Variants in MERTK observed in about 807,000 individuals in gnomAD.
The protein encoded by MERTK is tyrosine-protein kinase Mer.
Under a neutral mutation model 99.3 loss-of-function variants are expected in MERTK, and 69 were observed. The ratio of observed to expected loss-of-function variants is 0.70; its 90% CI spans 0.57 to 0.85. MERTK has a LOEUF of 0.85. Ranked by LOEUF, MERTK falls within the 40% of genes least tolerant of loss-of-function variation. The pLI is 0.00. For missense variants in MERTK, 1,125 were observed against 1,249.4 expected (o/e 0.90, Z 1.50); for synonymous variants, 426 against 467.6 (o/e 0.91, Z 1.15).
Position 111,982,847 on chromosome 2 carries a change from T to C in MERTK, c.1150T>C (p.Ser384Pro), listed in dbSNP as rs756697997. 9.3e-6 allele frequency: 15 copies of C among 1,613,932 alleles called. No homozygotes were observed. The South Asian group carries it at 1.6e-4, about 18-fold the overall frequency. Reference sequence around the variant, plus strand: ...TCTCCTTTTTTCTTTTGTAGCCCCATCAGTAGCACCTTTAAATGTCACTGT... The same window carrying C: ...TCTCCTTTTTTCTTTTGTAGCCCCACCAGTAGCACCTTTAAATGTCACTGT... ...ILASTTEGAP[S>P]VAPLNVTVFL... Residue 384 changes from serine (S) to proline (P), a missense_variant, in exon 8 of 19, where the codon TCA becomes CCA. Physicochemically the swap from Ser to Pro is moderately conservative, Grantham distance 74. Transcript: ENST00000295408.
intron 1 of MERTK, among the ~76,000 whole-genome samples, chr2:111,920,827 G>A (rs1296787213): frequency 4.0e-5 from 6 of 151,798 alleles, no homozygotes; most frequent in Non-Finnish European, 7.4e-5. Context: ...GCTACTTTTT[G>A]TATTTTTTAG....
chr2:111,997,272 G>A, intron 9 of MERTK, 51 bp from the exon 10 acceptor site: 1 of 1,583,394 alleles, frequency 6.3e-7, no homozygotes, highest in Non-Finnish European at 8.7e-7. Flanking sequence ...TTACAAGCCA[G>A]TGTTTCTCAT....
chr2:111,996,924 T>C (rs1026876344), intron 9 of MERTK: 3 of 261,714 alleles, frequency 1.1e-5, no homozygotes, highest in Non-Finnish European at 2.3e-5. Flanking sequence ...AATGACACTT[T>C]AATTTTTCAT....
intron 5 of MERTK, among the ~76,000 whole-genome samples, chr2:111,967,658 G>A (rs766373376): frequency 2.0e-4 from 31 of 152,122 alleles, no homozygotes; most frequent in East Asian, 3.9e-4. Flanking sequence ...ACACTCATGC[G>A]TGCACACACT....
intron 1 of MERTK, among the ~76,000 whole-genome samples, chr2:111,904,943 G>T (rs1225093401): frequency 6.6e-6 from 1 of 152,194 alleles, no homozygotes; most frequent in African/African-American, 2.4e-5. Flanking sequence ...TCTGGGCATT[G>T]GCTAACCCGT....
In MERTK at chr2:112,019,426, A is replaced by G. The variant is rs373570386; in HGVS notation, c.2093A>G (p.Gln698Arg). 1.6e-5 allele frequency: 26 copies of G among 1,611,752 alleles called. No homozygotes were observed. The highest frequency in any genetic ancestry group is 2.1e-5 in the Non-Finnish European group (25 of 1,178,006). ...TCTATCATCTAGCATATTCCTCTGC[A>G]GACACTATTGAAGTTCATGGTGGAT... ...LETGPKHIPL[Q>R]TLLKFMVDIA... Residue 698 changes from glutamine (Q) to arginine (R), a missense_variant, in exon 16 of 19, where the codon CAG becomes CGG. Coordinates refer to ENST00000295408, the MANE Select transcript of MERTK (RefSeq NM_006343.3).
chr2:111,947,849 C>T (rs923607584), intron 4 of MERTK, among the ~76,000 whole-genome samples: 8 of 152,090 alleles, frequency 5.3e-5, no homozygotes, highest in African/African-American at 9.7e-5. Flanking sequence ...GAGCCCTGCT[C>T]GCATCTCCCA....
intron 2 of MERTK, chr2:111,940,270 T>C (rs180815265): frequency 6.4e-5 from 27 of 420,122 alleles, no homozygotes; most frequent in African/African-American, 5.1e-4. Context: ...CTAAATAGAC[T>C]AAATAGGTGA....
intron 4 of MERTK, among the ~76,000 whole-genome samples, chr2:111,964,517 C>T (rs1417484239): frequency 6.6e-6 from 1 of 152,104 alleles, no homozygotes; most frequent in Non-Finnish European, 1.5e-5. Context: ...TCCAAGGAGC[C>T]CTGGTTCCAT....
chr2:111,974,122 C>G (rs1676186118), intron 6 of MERTK, among the ~76,000 whole-genome samples: 1 of 150,370 alleles, frequency 6.7e-6, no homozygotes, highest in African/African-American at 2.5e-5. Flanking sequence ...AGTGCATTGG[C>G]TCACGCCTGT....
In MERTK at chr2:112,003,763, T is replaced by C. The variant is rs933224668; in HGVS notation, c.1787-141T>C. 6.7e-6 allele frequency: 5 copies of C among 742,080 alleles called. No homozygotes were observed. In the African/African-American group the frequency reaches 8.7e-5, roughly 13 times the overall value. 46.0% of individuals were successfully genotyped at this position (742,080 alleles called of 1,614,324 possible). The stretch of plus-strand genomic sequence containing the variant: ...GCATCACCCTGGTTTGCGATGTGGG[T>C]GGCCTGGGCAGGCTCTGCCTGGCTG... On this transcript the variant is annotated intron_variant, in intron 12 of 18. Coordinates refer to ENST00000295408, the MANE Select transcript of MERTK (RefSeq NM_006343.3).
In MERTK at chr2:111,929,384, A is replaced by G. The variant is rs746128532; in HGVS notation, c.326A>G (p.Lys109Arg). 17 of 1,613,954 alleles carry G rather than the reference A, an allele frequency of 1.1e-5. No homozygotes were observed. Among genetic ancestry groups the G allele is most frequent in the East Asian group, 6.7e-5 (3 of 44,884 alleles). The change falls in exon 2 of 19, where the codon AAA becomes AGA. Residue 109 changes from lysine to arginine, a missense_variant. Coordinates refer to ENST00000295408, the MANE Select transcript of MERTK (RefSeq NM_006343.3). ...GGACACATAATACTTTCTGAACATA[A>G]AGGTGTCAAATTTAATTGCTCAATC... ...TVGHIILSEH[K>R]GVKFNCSISV...
chr2:111,947,441 A>G lies in MERTK; in HGVS notation c.631A>G (p.Asn211Asp). The G allele has an allele frequency of 1.2e-6, 2 of 1,614,134 alleles. No individual in the cohort carries two copies. Among genetic ancestry groups the G allele is most frequent in the Non-Finnish European group, 1.7e-6 (2 of 1,180,010 alleles). The change falls in exon 4 of 19, where the codon AAC becomes GAC. Residue 211 changes from asparagine to aspartate, a missense_variant. Transcript: ENST00000295408. ...KQPESMNVTR[N>D]TAFNLTCQAV... ...GCCTGAGAGCATGAATGTCACCAGA[A>G]ACACAGCCTTCAACCTCACCTGTCA...
chr2:111,928,759 T>G (rs915808062), intron 1 of MERTK, among the ~76,000 whole-genome samples: 1 of 152,218 alleles, frequency 6.6e-6, no homozygotes, highest in Non-Finnish European at 1.5e-5. Flanking sequence ...GTGCCAAGAT[T>G]ACAGGTGTGA....
At chr2:111,963,803 C>A (rs1573604533) in intron 4 of MERTK, among the ~76,000 whole-genome samples, 1 of 152,150 alleles carries the variant, frequency 6.6e-6, no homozygotes, top group African/African-American at 2.4e-5. Flanking sequence ...TCTTTCTTTT[C>A]CCCACAGACA....
chr2:111,990,716 T>C (rs1042401498), intron 8 of MERTK, among the ~76,000 whole-genome samples: 2 of 152,242 alleles, frequency 1.3e-5, no homozygotes, highest in African/African-American at 4.8e-5. Flanking sequence ...CAGTTGGGCA[T>C]CCTAAATCTC....
intron 4 of MERTK, among the ~76,000 whole-genome samples, chr2:111,964,403 G>A (rs1050650841): frequency 1.5e-4 from 22 of 150,712 alleles, no homozygotes; most frequent in African/African-American, 2.2e-4. Context: ...GTGTGTGCGC[G>A]CGCGCACGCG....
At chr2:112,022,632 C>G (rs1448864438) in intron 18 of MERTK, 2 of 748,242 alleles carry the variant, frequency 2.7e-6, no homozygotes, top group Non-Finnish European at 2.4e-6. Flanking sequence ...GCCTCAGTCT[C>G]GAACGACAGG....
At chr2:111,928,956 G>A (rs552473995) in intron 1 of MERTK, among the ~76,000 whole-genome samples, 164 bp from the exon 2 acceptor site, 5 of 152,110 alleles carry the variant, frequency 3.3e-5, no homozygotes, top group Non-Finnish European at 7.4e-5. Context: ...ATGAACTGGT[G>A]AATAAGAATA....
Sources: gnomAD v4.1 joint callset for allele counts (sites outside exome capture counted in the v4.1 genomes callset) on GRCh38, gnomAD v4.1.1 for gene constraint, MANE v1.5 for transcripts, NCBI Gene and HGNC (gene_info 2026-07-23, HGNC 2026-07-21) for gene names.